ECPAS: variants seen among roughly 807,000 people sequenced by gnomAD.
ECPAS encodes the protein Ecm29 proteasome adaptor and scaffold.
ECPAS carries 70 observed loss-of-function variants against 255.1 expected under a neutral mutation model. The ratio of observed to expected loss-of-function variants is 0.27; its 90% confidence interval spans 0.23 to 0.33. The LOEUF is 0.33. Ranked by LOEUF, ECPAS falls within the 10% of genes least tolerant of loss-of-function variation. ECPAS has a pLI of 1.00. For missense variants in ECPAS, 1,817 were observed against 2,206.4 expected (o/e 0.82, Z 3.54); for synonymous variants, 784 against 775.0 (o/e 1.01, Z -0.19).
chr9:111,463,958 G>C (rs1380693637), intron 2 of ECPAS, among the ~76,000 whole-genome samples: 1 of 152,086 alleles, frequency 6.6e-6, no homozygotes, highest in Non-Finnish European at 1.5e-5. Context: ...TCTACAAACT[G>C]TTTATCACCA....
intron 3 of ECPAS, among the ~76,000 whole-genome samples, chr9:111,446,348 A>C (rs930620936): frequency 3.3e-5 from 5 of 152,198 alleles, no homozygotes; most frequent in African/African-American, 1.2e-4. Flanking sequence ...GAGCATTGAG[A>C]AATAAGATTT....
At chr9:111,470,074 G>A (rs1227959070) in intron 2 of ECPAS, among the ~76,000 whole-genome samples, 1 of 152,132 alleles carries the variant, frequency 6.6e-6, no homozygotes. Flanking sequence ...AGGTGGCAAT[G>A]AGTACCTTCA....
chr9:111,377,248 C>T (rs2098134380), intron 36 of ECPAS, among the ~76,000 whole-genome samples: 1 of 151,884 alleles, frequency 6.6e-6, no homozygotes, highest in South Asian at 2.1e-4. Context: ...AAATAGTGAA[C>T]AGAGGAAACA....
Position 111,376,403 on chromosome 9 carries a change from A to C in ECPAS, c.4020+73T>G, listed in dbSNP as rs540899194. On this transcript the variant is annotated intron_variant, in intron 37 of 49. Transcript: ENST00000684092. ...CATAAGTCTCTGCTTCATTTAACAT[A>C]GCCTGAAGACTTTGAAGAATTACAC... 362 of 1,224,130 alleles carry C rather than the reference A, an allele frequency of 3.0e-4. 1 individual carries two copies. The African/African-American group carries it at 4.8e-3, about 16-fold the overall frequency. 75.8% of individuals were successfully genotyped at this position (1,224,130 alleles called of 1,614,324 possible). A position where few individuals can be genotyped will look rare whatever the true frequency, so the allele number is the denominator to read the frequency against.
At chr9:111,433,509 A>G (rs2098233135) in intron 7 of ECPAS, 137 bp from the exon 8 acceptor site, 2 of 767,546 alleles carry the variant, frequency 2.6e-6, no homozygotes, top group Non-Finnish European at 4.3e-6. Context: ...ACTTAGGCTT[A>G]CAATGTGCCG....
Position 111,373,391 on chromosome 9 carries a change from G to A in ECPAS, c.4193C>T (p.Ala1398Val), listed in dbSNP as rs778869487. ...CCGATCTGTCAGGCCACTCAGCAAA[G>A]CACTCATAAGTTTACCTACCAGAAA... ...LTPYSGKLMS[A>V]LLSGLTDRNS... The change falls in exon 40 of 50, where the codon GCT becomes GTT. Residue 1398 changes from alanine to valine, a missense_variant. Transcript: ENST00000684092. The A allele has an allele frequency of 8.1e-6, 13 of 1,613,668 alleles. No individual in the cohort carries two copies. The Admixed American group carries it at 2.2e-4, about 27-fold the overall frequency.
chr9:111,360,846 C>G lies in ECPAS; in HGVS notation c.*1184G>C, dbSNP rs748324134. 3 of 152,168 alleles carry G rather than the reference C, an allele frequency of 2.0e-5. No individual in the cohort carries two copies. The highest frequency in any genetic ancestry group is 7.2e-5 in the African/African-American group (3 of 41,448). The allele number at this position is 152,168 out of a possible 1,614,324, so 9.4% of individuals were successfully genotyped here. A position where few individuals can be genotyped will look rare whatever the true frequency, so the allele number is the denominator to read the frequency against. ...GTGTTAACGTCAATAAGGATGAGTACTGAATGTAAACCAGTCTTCTGCTCT... is the reference window on the plus strand; with the variant it reads ...GTGTTAACGTCAATAAGGATGAGTAGTGAATGTAAACCAGTCTTCTGCTCT... On this transcript the variant is annotated 3_prime_UTR_variant, in exon 50 of 50. Coordinates refer to ENST00000684092, the MANE Select transcript of ECPAS (RefSeq NM_001364929.1).
intron 2 of ECPAS, among the ~76,000 whole-genome samples, chr9:111,456,256 T>C (rs554299287): frequency 2.6e-5 from 4 of 152,316 alleles, no homozygotes; most frequent in African/African-American, 7.2e-5. Flanking sequence ...GAAGCCTGCA[T>C]AAAGAAAGAT....
At chr9:111,382,260 C>CTT (rs35441317) in intron 35 of ECPAS, among the ~76,000 whole-genome samples, 6,024 of 107,630 alleles carry the variant, frequency 0.056, 530 homozygotes, top group African/African-American at 0.16. Context: ...AAAAGTGATA[C>CTT]TTTTTTTTTT....
chr9:111,431,463 C>T (rs1215153704), intron 8 of ECPAS, among the ~76,000 whole-genome samples: 2 of 151,276 alleles, frequency 1.3e-5, no homozygotes, highest in African/African-American at 2.4e-5. Context: ...GAGGCTGAGG[C>T]ACGAGAATCA....
Position 111,484,199 on chromosome 9 carries a change from C to A in ECPAS, c.-166G>T. The A allele has an allele frequency of 6.8e-7, 1 of 1,479,502 alleles. No homozygotes were observed. Among genetic ancestry groups the A allele is most frequent in the South Asian group, 1.3e-5 (1 of 76,346 alleles). 91.6% of individuals were successfully genotyped at this position (1,479,502 alleles called of 1,614,324 possible). On this transcript the variant is annotated 5_prime_UTR_variant, in exon 1 of 50. Coordinates refer to ENST00000684092, the MANE Select transcript of ECPAS (RefSeq NM_001364929.1). ...CTGTAGAGCGAGGCGTTCGGCGGGC[C>A]GGGCCCCGGGGAGCCGCGCGCCGCA...
chr9:111,403,851 T>C (rs1363894864), intron 24 of ECPAS, among the ~76,000 whole-genome samples: 1 of 149,872 alleles, frequency 6.7e-6, no homozygotes, highest in Non-Finnish European at 1.5e-5. Context: ...ATAGACCATA[T>C]GTTAGACCAC....
chr9:111,462,659 T>C (rs1273662077), intron 2 of ECPAS, among the ~76,000 whole-genome samples: 3 of 151,928 alleles, frequency 2.0e-5, no homozygotes, highest in Non-Finnish European at 2.9e-5. Flanking sequence ...AAACATGTCA[T>C]AGTCCTTTAC....
chr9:111,367,300 G>C (rs1235105105), intron 46 of ECPAS, among the ~76,000 whole-genome samples: 3 of 152,202 alleles, frequency 2.0e-5, no homozygotes, highest in Non-Finnish European at 4.4e-5. Flanking sequence ...TCTCATAAGA[G>C]CTTGAAATTT....
rs143077404 is a variant in ECPAS at position 111,424,841 on chromosome 9, T to C, written c.1215+577A>G. On this transcript the variant is annotated intron_variant, in intron 12 of 49. Transcript: ENST00000684092. Reference sequence around the variant, plus strand: ...TCCATTTTTGCACAATAGCTAGAAGTAGCACAAAAGGTGCTGGCTGAAAAA... The same window carrying C: ...TCCATTTTTGCACAATAGCTAGAAGCAGCACAAAAGGTGCTGGCTGAAAAA... 3.7e-3 allele frequency among the ~76,000 whole-genome samples: 562 copies of C among 152,320 alleles called. 2 individuals carry two copies. The highest frequency in any genetic ancestry group is 6.0e-3 in the Non-Finnish European group (408 of 68,026).
intron 12 of ECPAS, among the ~76,000 whole-genome samples, chr9:111,424,146 T>C (rs1481956783): frequency 1.3e-5 from 2 of 152,334 alleles, no homozygotes; most frequent in South Asian, 2.1e-4. Context: ...ATCTTAACCA[T>C]GCAAGCATCA....
chr9:111,477,706 T>G (rs2098298185), intron 1 of ECPAS, among the ~76,000 whole-genome samples: 1 of 152,102 alleles, frequency 6.6e-6, no homozygotes, highest in Non-Finnish European at 1.5e-5. Context: ...AGTACCAAAC[T>G]CACAGGGTTG....
intron 10 of ECPAS, among the ~76,000 whole-genome samples, chr9:111,426,251 G>C (rs1035021435): frequency 6.6e-6 from 1 of 151,762 alleles, no homozygotes; most frequent in Admixed American, 6.6e-5. Flanking sequence ...ACATCTAGAA[G>C]GCAAAAAGAT....
At chr9:111,421,073 T>C (rs576303659) in intron 15 of ECPAS, among the ~76,000 whole-genome samples, 6 of 151,998 alleles carry the variant, frequency 3.9e-5, no homozygotes, top group Non-Finnish European at 8.8e-5. Context: ...AGCTTCCAAA[T>C]ACGCCTACAC....
Sources: allele counts gnomAD v4.1 joint callset (sites outside exome capture counted in the v4.1 genomes callset), GRCh38; gene constraint gnomAD v4.1.1; transcripts MANE v1.5; gene names NCBI Gene and HGNC (gene_info 2026-07-23, HGNC 2026-07-21).